The following GALNT13 variants were observed in gnomAD, a reference collection of about 807,000 sequenced individuals.
The protein encoded by GALNT13 is polypeptide N-acetylgalactosaminyltransferase 13.
Under a neutral mutation model 64.2 loss-of-function variants are expected in GALNT13, and 28 were observed. That is an observed-to-expected ratio of 0.44 (90% CI 0.32 to 0.60). The LOEUF is 0.60. GALNT13 is among the 20% of genes least tolerant of loss of function. The pLI is 0.05. For synonymous variants in GALNT13, 214 were observed against 224.6 expected, an observed-to-expected ratio of 0.95 and a Z score of 0.42; for missense variants, 577 against 669.8, an observed-to-expected ratio of 0.86 and a Z score of 1.53.
At chr2:154,326,280 C>A (rs1694868714) in intron 9 of GALNT13, among the ~76,000 whole-genome samples, 1 of 149,172 alleles carries the variant, frequency 6.7e-6, no homozygotes, top group African/African-American at 2.5e-5. Flanking sequence ...ATTCTAAAAT[C>A]ACTGAGCTTC....
chr2:154,336,536 G>A lies in GALNT13; in HGVS notation c.1156+34947G>A, dbSNP rs1473207. On this transcript the variant is annotated intron_variant, in intron 9 of 12. Coordinates refer to ENST00000392825, the MANE Select transcript of GALNT13 (RefSeq NM_052917.4). Reference sequence around the variant, plus strand: ...AATGCAAAGTTACTGTGTTGGCAAAGCATTTTATTTAAAGTATGGTTATAT... The same window carrying A: ...AATGCAAAGTTACTGTGTTGGCAAAACATTTTATTTAAAGTATGGTTATAT... Among the ~76,000 whole-genome samples the A allele has an allele frequency of 5.6e-3, 851 of 152,106 alleles. 11 individuals are homozygous for A. Among genetic ancestry groups the A allele is most frequent in the African/African-American group, 0.019 (799 of 41,480 alleles).
chr2:154,402,556 A>G (rs1007598228), intron 10 of GALNT13, among the ~76,000 whole-genome samples: 1 of 152,248 alleles, frequency 6.6e-6, no homozygotes, highest in African/African-American at 2.4e-5. Context: ...GCCTTGTGCC[A>G]TATATTCAAA....
chr2:153,758,188 C>G, the GALNT13 span, among the ~76,000 whole-genome samples: 2 of 151,558 alleles, frequency 1.3e-5, no homozygotes, highest in Non-Finnish European at 2.9e-5. Flanking sequence ...CAATTTTATT[C>G]TTTTGCATGT....
the GALNT13 span, among the ~76,000 whole-genome samples, chr2:153,096,039 G>GTAAA: frequency 1.0e-3 from 156 of 150,762 alleles, 2 homozygotes; most frequent in South Asian, 0.013. Flanking sequence ...AATAAAATAA[G>GTAAA]TAAATAAATA....
the GALNT13 span, among the ~76,000 whole-genome samples, chr2:153,839,037 A>G: frequency 2.6e-5 from 4 of 151,838 alleles, no homozygotes; most frequent in Non-Finnish European, 4.4e-5. Flanking sequence ...TTTTGATATA[A>G]ATGGAATTAT....
At chr2:154,399,402 G>A (rs926839697) in intron 10 of GALNT13, among the ~76,000 whole-genome samples, 7 of 152,130 alleles carry the variant, frequency 4.6e-5, no homozygotes, top group South Asian at 4.1e-4. Context: ...GGTGCCAACC[G>A]ATTTAGTGTC....
intron 4 of GALNT13, among the ~76,000 whole-genome samples, chr2:154,158,159 C>G (rs1684532322): frequency 6.6e-6 from 1 of 152,088 alleles, no homozygotes. Flanking sequence ...GATATCTTCC[C>G]TTGACTATCC....
At chr2:153,777,492 T>C in the GALNT13 span, among the ~76,000 whole-genome samples, 1 of 152,210 alleles carries the variant, frequency 6.6e-6, no homozygotes, top group Non-Finnish European at 1.5e-5. Flanking sequence ...TCATGAGGCC[T>C]CCATCAATCA....
At chr2:153,532,490 G>A in the GALNT13 span, among the ~76,000 whole-genome samples, 1 of 152,226 alleles carries the variant, frequency 6.6e-6, no homozygotes, top group Middle Eastern at 3.4e-3. Context: ...ATGCCTTGAA[G>A]GCCTTTTCCC....
At chr2:153,923,994 T>C (rs1399670816) in intron 2 of GALNT13, among the ~76,000 whole-genome samples, 1 of 152,136 alleles carries the variant, frequency 6.6e-6, no homozygotes, top group Non-Finnish European at 1.5e-5. Flanking sequence ...AGTGCCACAA[T>C]AAACATACAT....
At chr2:154,392,685 T>C (rs2105354954) in intron 9 of GALNT13, among the ~76,000 whole-genome samples, 1 of 152,254 alleles carries the variant, frequency 6.6e-6, no homozygotes. Flanking sequence ...TTAAGACAGA[T>C]TCAATTATTC....
At chr2:153,980,090 C>T (rs1490384941) in intron 3 of GALNT13, among the ~76,000 whole-genome samples, 1 of 152,116 alleles carries the variant, frequency 6.6e-6, no homozygotes, top group South Asian at 2.1e-4. Flanking sequence ...AATATGATCT[C>T]CTTTGTGCCA....
the GALNT13 span, among the ~76,000 whole-genome samples, chr2:153,285,034 T>A: frequency 7.1e-5 from 10 of 141,688 alleles, no homozygotes; most frequent in Non-Finnish European, 7.7e-5. Flanking sequence ...GTAATTTATT[T>A]AAAAAAAAAA....
intron 9 of GALNT13, among the ~76,000 whole-genome samples, chr2:154,389,670 C>T (rs1351861318): frequency 1.3e-5 from 2 of 152,092 alleles, no homozygotes; most frequent in Non-Finnish European, 2.9e-5. Context: ...CCATTGCTTG[C>T]CTCACAGAAG....
intron 3 of GALNT13, among the ~76,000 whole-genome samples, chr2:154,013,602 G>A (rs1417630378): frequency 6.6e-6 from 1 of 152,134 alleles, no homozygotes; most frequent in East Asian, 1.9e-4. Context: ...GAGAAGAAGC[G>A]GCACAGCAGG....
At chr2:153,845,807 T>A in the GALNT13 span, among the ~76,000 whole-genome samples, 1 of 152,252 alleles carries the variant, frequency 6.6e-6, no homozygotes. Context: ...ACCATACTTT[T>A]GTATATCACA....
intron 4 of GALNT13, among the ~76,000 whole-genome samples, chr2:154,197,106 C>T (rs1686920360): frequency 6.6e-6 from 1 of 151,962 alleles, no homozygotes; most frequent in African/African-American, 2.4e-5. Context: ...ATAAATTCCC[C>T]CAACATCCTT....
At chr2:154,446,274 G>C (rs1238040711) in intron 12 of GALNT13, among the ~76,000 whole-genome samples, 1 of 152,070 alleles carries the variant, frequency 6.6e-6, no homozygotes, top group Admixed American at 6.6e-5. Flanking sequence ...TTACTAGGAT[G>C]AAGGCTGAGA....
chr2:153,123,121 C>T, the GALNT13 span, among the ~76,000 whole-genome samples: 2 of 151,984 alleles, frequency 1.3e-5, no homozygotes, highest in Non-Finnish European at 2.9e-5. Context: ...TATGAAGATA[C>T]AGAAGACACA....
Sources: gnomAD v4.1 joint callset for allele counts (sites outside exome capture counted in the v4.1 genomes callset) on GRCh38, gnomAD v4.1.1 for gene constraint, MANE v1.5 for transcripts, NCBI Gene and HGNC (gene_info 2026-07-23, HGNC 2026-07-21) for gene names.